Variants in RBM47 observed in about 807,000 individuals in gnomAD.
The protein encoded by RBM47 is RNA binding motif protein 47.
RBM47 carries 21 observed loss-of-function variants against 47.1 expected under a neutral mutation model. The ratio of observed to expected loss-of-function variants is 0.45; its 90% CI spans 0.32 to 0.64. The LOEUF (loss-of-function observed/expected upper bound fraction) is 0.64. Among genes scored for constraint, RBM47 ranks in the 30% least tolerant of loss-of-function variants. The pLI is 0.05. For synonymous variants in RBM47, 375 were observed against 361.7 expected (o/e 1.04, Z -0.42); for missense variants, 708 against 870.9 (o/e 0.81, Z 2.35).
intron 1 of RBM47, among the ~76,000 whole-genome samples, chr4:40,585,225 TTGC>T (rs1457005130): frequency 1.3e-5 from 2 of 152,044 alleles, no homozygotes; most frequent in Non-Finnish European, 2.9e-5. Context: ...GAAAACAGAG[TTGC>T]TGCTATTTAT....
intron 2 of RBM47, among the ~76,000 whole-genome samples, chr4:40,489,604 A>G (rs1721579681): frequency 6.6e-6 from 1 of 152,244 alleles, no homozygotes; most frequent in Non-Finnish European, 1.5e-5. Context: ...AAAGATGCAA[A>G]GGGCCAAAAT....
chr4:40,580,054 G>C (rs553401768), intron 1 of RBM47, among the ~76,000 whole-genome samples: 1 of 151,962 alleles, frequency 6.6e-6, no homozygotes, highest in Non-Finnish European at 1.5e-5. Flanking sequence ...CACCGCTTCC[G>C]GCCTACTTTT....
intron 1 of RBM47, among the ~76,000 whole-genome samples, chr4:40,567,988 A>G (rs1350032271): frequency 6.6e-6 from 1 of 151,942 alleles, no homozygotes; most frequent in South Asian, 2.1e-4. Flanking sequence ...TAAGAATCCC[A>G]ACAATATTCT....
At chr4:40,546,944 A>AG (rs1729094310) in intron 1 of RBM47, among the ~76,000 whole-genome samples, 1 of 152,200 alleles carries the variant, frequency 6.6e-6, no homozygotes, top group Non-Finnish European at 1.5e-5. Flanking sequence ...AAAGCACCTA[A>AG]GTTCTACCTG....
intron 6 of RBM47, among the ~76,000 whole-genome samples, chr4:40,426,360 C>G (rs1408933643): frequency 6.6e-6 from 1 of 152,076 alleles, no homozygotes; most frequent in East Asian, 1.9e-4. Flanking sequence ...AGTGATGCCA[C>G]CTTGTGAAAG....
At chr4:40,543,306 C>CGGTA (rs891262011) in intron 2 of RBM47, 1 of 152,106 alleles carries the variant, frequency 6.6e-6, no homozygotes, top group Non-Finnish European at 1.5e-5. Context: ...TTGCAAACTC[C>CGGTA]TACCCGCTGA....
In RBM47 at chr4:40,436,491, G is replaced by A. The variant is rs763065592; in HGVS notation, c.1280C>T (p.Pro427Leu). ...GTTGACGGTAGGGATTTCCAAATTC[G>A]GCACCAGTTCATATCCTTTTTCTTG... ...KQQEKGYELV[P>L]NLEIPTVNPV... Residue 427 changes from proline (P) to leucine (L), a missense_variant, in exon 5 of 7, where the codon CCG becomes CTG. Coordinates refer to ENST00000295971, the MANE Select transcript of RBM47 (RefSeq NM_001098634.2). 3.9e-5 allele frequency: 63 copies of A among 1,613,986 alleles called. No individual in the cohort carries two copies. Among genetic ancestry groups the A allele is most frequent in the Non-Finnish European group, 5.0e-5 (59 of 1,180,030 alleles).
chr4:40,432,541 TG>T (rs1716318569), intron 6 of RBM47, 109 bp downstream of exon 6: 9 of 1,536,232 alleles, frequency 5.9e-6, no homozygotes, highest in Middle Eastern at 2.3e-4. Flanking sequence ...CAACCATAGC[TG>T]TAACAGAGAG....
chr4:40,438,732 C>G lies in RBM47; in HGVS notation c.162G>C (p.Lys54Asn). Reference protein sequence around the residue: ...YSMVQENGQRKYGGPPPGWEG... With the variant: ...YSMVQENGQRNYGGPPPGWEG... ...CCCAGCCGGGCGGTGGGCCGCCGTA[C>G]TTGCGCTGCCCGTTCTCTTGCACCA... The change falls in exon 4 of 7, where the codon AAG becomes AAC. Residue 54 changes from lysine to asparagine, a missense_variant. By Grantham distance (94) the Lys-to-Asn change is moderately conservative (BLOSUM62 0). Transcript: ENST00000295971. 1 of 1,604,432 alleles carries G rather than the reference C, an allele frequency of 6.2e-7. No individual in the cohort carries two copies. Among genetic ancestry groups the G allele is most frequent in the Non-Finnish European group, 8.5e-7 (1 of 1,177,268 alleles).
intron 1 of RBM47, among the ~76,000 whole-genome samples, chr4:40,551,512 C>T (rs1003792889): frequency 2.6e-5 from 4 of 151,978 alleles, no homozygotes; most frequent in African/African-American, 9.7e-5. Flanking sequence ...AAAAACAATC[C>T]TGCATTTTAT....
At chr4:40,558,970 G>T (rs1406860567) in intron 1 of RBM47, among the ~76,000 whole-genome samples, 1 of 152,106 alleles carries the variant, frequency 6.6e-6, no homozygotes, top group East Asian at 1.9e-4. Flanking sequence ...CTCCAGCCTG[G>T]GTGACAGAGT....
At chr4:40,439,356 G>A (rs1011679516) in intron 3 of RBM47, among the ~76,000 whole-genome samples, 1 of 152,072 alleles carries the variant, frequency 6.6e-6, no homozygotes, top group Non-Finnish European at 1.5e-5. Context: ...TCTTTTTTAA[G>A]GGAGTCTTTT....
At chr4:40,460,255 T>C (rs902303065) in intron 3 of RBM47, among the ~76,000 whole-genome samples, 7 of 151,896 alleles carry the variant, frequency 4.6e-5, no homozygotes, top group Non-Finnish European at 7.4e-5. Flanking sequence ...TTAACTGATA[T>C]GCTTAGCTTC....
chr4:40,478,971 A>G (rs1720019374), intron 2 of RBM47, among the ~76,000 whole-genome samples: 1 of 152,072 alleles, frequency 6.6e-6, no homozygotes, highest in African/African-American at 2.4e-5. Flanking sequence ...AAGAAATTGC[A>G]CATATGTGTG....
chr4:40,529,250 T>C (rs1291150512), intron 2 of RBM47, among the ~76,000 whole-genome samples: 1 of 152,056 alleles, frequency 6.6e-6, no homozygotes, highest in East Asian at 1.9e-4. Context: ...CTCACGCCTG[T>C]AATCCCAACA....
intron 2 of RBM47, among the ~76,000 whole-genome samples, chr4:40,473,445 A>C (rs1719197780): frequency 6.6e-6 from 1 of 152,252 alleles, no homozygotes; most frequent in African/African-American, 2.4e-5. Context: ...TATGCATTAT[A>C]TATTACAGCT....
intron 1 of RBM47, among the ~76,000 whole-genome samples, chr4:40,551,671 CAG>C (rs1729576652): frequency 7.3e-6 from 1 of 137,212 alleles, no homozygotes; most frequent in African/African-American, 2.8e-5. Context: ...TTTTTTGAGA[CAG>C]AGTCTCGCTC....
intron 1 of RBM47, among the ~76,000 whole-genome samples, chr4:40,579,749 A>AT (rs60806221): frequency 8.4e-4 from 123 of 145,932 alleles, no homozygotes; most frequent in African/African-American, 1.5e-3. Context: ...CTTTAGGGTA[A>AT]TTTTTTTTTT....
At chr4:40,604,814 T>C (rs1282936184) in intron 1 of RBM47, among the ~76,000 whole-genome samples, 3 of 152,082 alleles carry the variant, frequency 2.0e-5, no homozygotes, top group Non-Finnish European at 2.9e-5. Context: ...CCTCCGGGGT[T>C]CAAGCAATTC....
Sources: allele counts gnomAD v4.1 joint callset (sites outside exome capture counted in the v4.1 genomes callset), GRCh38; gene constraint gnomAD v4.1.1; transcripts MANE v1.5; gene names NCBI Gene and HGNC (gene_info 2026-07-23, HGNC 2026-07-21).